SLC25A13: variants seen among roughly 807,000 people sequenced by gnomAD.
SLC25A13 encodes the protein solute carrier family 25 member 13, also known as electrogenic aspartate/glutamate antiporter SLC25A13, mitochondrial.
SLC25A13 carries 70 observed loss-of-function variants against 85.5 expected under a neutral mutation model. The ratio of observed to expected loss-of-function variants is 0.82; its 90% confidence interval spans 0.68 to 1.00. The LOEUF (loss-of-function observed/expected upper bound fraction) is 1.00. Among genes scored for constraint, SLC25A13 ranks in the 50% least tolerant of loss-of-function variants. The pLI, the probability that SLC25A13 is intolerant of heterozygous loss-of-function variation, is 0.00. For synonymous variants in SLC25A13, 259 were observed against 288.7 expected (o/e 0.90, Z 1.04); for missense variants, 765 against 819.8 (o/e 0.93, Z 0.82).
In SLC25A13 at chr7:96,246,478, A is replaced by G. The variant is rs1797192237; in HGVS notation, c.213-11561T>C. Among the ~76,000 whole-genome samples the G allele has an allele frequency of 2.1e-5, 2 of 93,814 alleles. 1 individual carries two copies. The highest frequency in any genetic ancestry group is 5.4e-4 in the South Asian group (2 of 3,710). The allele number at this position is 93,814 out of a possible 152,430, so 61.5% of individuals were successfully genotyped here. A position where few individuals can be genotyped will look rare whatever the true frequency, so the allele number is the denominator to read the frequency against. The stretch of plus-strand genomic sequence containing the variant: ...AAGGCACATAAGCATAGGCACACAA[A>G]AAGTGACAAGAACATGCTATTTTCT... On this transcript the variant is annotated intron_variant, in intron 3 of 17. Transcript: ENST00000265631.
intron 13 of SLC25A13, among the ~76,000 whole-genome samples, chr7:96,167,961 ATGG>A (rs1793824440): frequency 6.6e-6 from 1 of 151,820 alleles, no homozygotes; most frequent in Admixed American, 6.6e-5. Flanking sequence ...TTAGCTGGAC[ATGG>A]TGGTGTGTGC....
At chr7:96,309,487 G>A (rs935304773) in intron 1 of SLC25A13, 7 of 152,194 alleles carry the variant, frequency 4.6e-5, no homozygotes, top group South Asian at 2.1e-4. Context: ...GGGGGATGGA[G>A]AGGATTGAGC....
chr7:96,313,335 C>T (rs1800011723), intron 1 of SLC25A13, among the ~76,000 whole-genome samples: 1 of 152,140 alleles, frequency 6.6e-6, no homozygotes, highest in Admixed American at 6.5e-5. Flanking sequence ...CAGCACTATT[C>T]ACAGTAGCAA....
intron 13 of SLC25A13, among the ~76,000 whole-genome samples, chr7:96,168,661 T>C (rs921598004): frequency 6.6e-6 from 1 of 152,248 alleles, no homozygotes; most frequent in East Asian, 1.9e-4. Flanking sequence ...TCTTGAGTAG[T>C]ATCACATAAT....
At chr7:96,172,799 C>T (rs1045980867) in intron 11 of SLC25A13, among the ~76,000 whole-genome samples, 1 of 152,074 alleles carries the variant, frequency 6.6e-6, no homozygotes, top group Admixed American at 6.5e-5. Context: ...CACTCTGTCG[C>T]CCAGGCTACA....
At chr7:96,129,079 C>T (rs1791889189) in intron 15 of SLC25A13, among the ~76,000 whole-genome samples, 1 of 151,788 alleles carries the variant, frequency 6.6e-6, no homozygotes, top group Non-Finnish European at 1.5e-5. Flanking sequence ...CTCCTGTCAA[C>T]AGCTATGTCA....
At chr7:96,290,871 G>A (rs1271552772) in intron 2 of SLC25A13, among the ~76,000 whole-genome samples, 4 of 152,050 alleles carry the variant, frequency 2.6e-5, no homozygotes, top group Admixed American at 6.6e-5. Context: ...ACAGATCAAC[G>A]AGACAGAAAG....
intron 2 of SLC25A13, chr7:96,283,444 T>TA (rs1178054474): frequency 2.3e-6 from 1 of 431,196 alleles, no homozygotes; most frequent in Non-Finnish European, 4.6e-6. Flanking sequence ...TTTGGCCACA[T>TA]ATATGCAAAT....
At chr7:96,138,158 GT>G (rs1562787410) in intron 14 of SLC25A13, among the ~76,000 whole-genome samples, 1 of 152,100 alleles carries the variant, frequency 6.6e-6, no homozygotes, top group Non-Finnish European at 1.5e-5. Flanking sequence ...AGGTTGAAAA[GT>G]TTTTTTCCTC....
chr7:96,198,355 C>A (rs1191308633), intron 5 of SLC25A13, among the ~76,000 whole-genome samples: 1 of 152,142 alleles, frequency 6.6e-6, no homozygotes, highest in Non-Finnish European at 1.5e-5. Flanking sequence ...AAGTCTCTTG[C>A]AATATGAAAC....
chr7:96,251,381 T>C (rs943483577), intron 3 of SLC25A13, among the ~76,000 whole-genome samples: 3 of 152,084 alleles, frequency 2.0e-5, no homozygotes, highest in African/African-American at 4.8e-5. Context: ...CCATAAAGGA[T>C]TGTGAGCCAG....
chr7:96,153,661 C>T (rs1793136312), intron 13 of SLC25A13, among the ~76,000 whole-genome samples: 1 of 152,220 alleles, frequency 6.6e-6, no homozygotes, highest in Non-Finnish European at 1.5e-5. Context: ...CATGTGTACT[C>T]TCACCCAGGC....
At chr7:96,214,874 A>G (rs1344409650) in intron 4 of SLC25A13, among the ~76,000 whole-genome samples, 1 of 152,150 alleles carries the variant, frequency 6.6e-6, no homozygotes, top group African/African-American at 2.4e-5. Flanking sequence ...AACTAAAGAA[A>G]ATCTAAATAA....
In SLC25A13 at chr7:96,208,882, T is replaced by C. The variant is rs1212931650; in HGVS notation, c.424A>G (p.Arg142Gly). 6.2e-7 allele frequency: 1 copy of C among 1,614,164 alleles called. No individual in the cohort carries two copies. Among genetic ancestry groups the C allele is most frequent in the Non-Finnish European group, 8.5e-7 (1 of 1,180,036 alleles). Residue 142 changes from arginine (R) to glycine (G), a missense_variant, in exon 5 of 18, where the codon AGA becomes GGA. Coordinates refer to ENST00000265631, the MANE Select transcript of SLC25A13 (RefSeq NM_014251.3). ...TCCGCATATGTCAGGTGTCTTTTTCTTTCTTTTCCAAAATGTAGTTGCACA... is the reference window on the plus strand; with the variant it reads ...TCCGCATATGTCAGGTGTCTTTTTCCTTCTTTTCCAAAATGTAGTTGCACA... ...EFVQLHFGKE[R>G]KRHLTYAEFT...
At position 96,140,701 on chromosome 7, in the gene SLC25A13, C is replaced by CCTACCA. The variant is rs1792511787; in HGVS notation, c.1452+5849_1452+5854dup. On this transcript the variant is annotated intron_variant, in intron 14 of 17. Coordinates refer to ENST00000265631, the MANE Select transcript of SLC25A13 (RefSeq NM_014251.3). ...TACAGGCGTCAGGCACCGCGCCTGG[C>CCTACCA]CTACCACCAAAGATTTCAATTTCTC... Among the ~76,000 whole-genome samples the CCTACCA allele has an allele frequency of 2.0e-5, 3 of 152,050 alleles. No homozygotes were observed. In the South Asian group the frequency reaches 6.2e-4, roughly 32 times the overall value.
chr7:96,172,767 A>T (rs1283971905), intron 11 of SLC25A13, among the ~76,000 whole-genome samples: 4 of 147,256 alleles, frequency 2.7e-5, no homozygotes, highest in Non-Finnish European at 4.5e-5. Flanking sequence ...GCCAGTTTGT[A>T]TTTTTTTTTT....
intron 4 of SLC25A13, among the ~76,000 whole-genome samples, chr7:96,228,829 G>A (rs1270897377): frequency 6.6e-6 from 1 of 152,208 alleles, no homozygotes; most frequent in East Asian, 1.9e-4. Context: ...CCAGCCCTGG[G>A]CACTGAGGGG....
intron 3 of SLC25A13, among the ~76,000 whole-genome samples, chr7:96,253,379 C>G (rs151154025): frequency 4.0e-4 from 61 of 152,256 alleles, no homozygotes; most frequent in African/African-American, 1.3e-3. Flanking sequence ...GCTAACTAAA[C>G]TTCCCTGGAG....
At chr7:96,291,811 A>G (rs1799131172) in intron 2 of SLC25A13, among the ~76,000 whole-genome samples, 1 of 152,222 alleles carries the variant, frequency 6.6e-6, no homozygotes, top group African/African-American at 2.4e-5. Context: ...AAAAAAGTCC[A>G]GGACCAGACA....
Sources: allele counts gnomAD v4.1 joint callset (sites outside exome capture counted in the v4.1 genomes callset), GRCh38; gene constraint gnomAD v4.1.1; transcripts MANE v1.5; gene names NCBI Gene and HGNC (gene_info 2026-07-23, HGNC 2026-07-21).